Variants in CNTNAP2 observed in about 807,000 individuals in gnomAD.
The protein encoded by CNTNAP2 is contactin-associated protein-like 2.
Under a neutral mutation model 155.2 loss-of-function variants are expected in CNTNAP2, and 98 were observed. The observed-to-expected ratio is 0.63, with a 90% CI of 0.54 to 0.75. CNTNAP2 has a LOEUF of 0.75. Among genes scored for constraint, CNTNAP2 ranks in the 30% least tolerant of loss-of-function variants. The probability of loss-of-function intolerance (pLI) is 0.00; values close to 1 mark genes in which losing one functional copy is unlikely to be tolerated. For synonymous variants in CNTNAP2, 651 were observed against 631.2 expected (o/e 1.03, Z -0.47); for missense variants, 1,727 against 1,688.1 (o/e 1.02, Z -0.40).
At chr7:147,439,462 AT>A (rs891273604) in intron 10 of CNTNAP2, among the ~76,000 whole-genome samples, 5 of 151,812 alleles carry the variant, frequency 3.3e-5, no homozygotes, top group African/African-American at 1.2e-4. Context: ...TATTATTTCA[AT>A]TTTTTTAATG....
At chr7:147,127,349 A>G (rs980770922) in intron 6 of CNTNAP2, among the ~76,000 whole-genome samples, 3 of 151,982 alleles carry the variant, frequency 2.0e-5, no homozygotes, top group African/African-American at 7.2e-5. Context: ...CATTATTAAT[A>G]ATAATTGATT....
chr7:147,614,947 C>T lies in CNTNAP2; in HGVS notation c.1898-24159C>T, dbSNP rs553187966. Among the ~76,000 whole-genome samples the T allele has an allele frequency of 6.6e-5, 10 of 151,768 alleles. No individual in the cohort carries two copies. The South Asian group carries it at 1.9e-3, about 28-fold the overall frequency. ...AAGTATAAACCAAACTTGAATAACT[C>T]AAGTTTCTAAAATTAAGAATTCAAG... On this transcript the variant is annotated intron_variant, in intron 12 of 23. Coordinates refer to ENST00000361727, the MANE Select transcript of CNTNAP2 (RefSeq NM_014141.6).
chr7:146,885,332 T>G (rs1346583246), intron 3 of CNTNAP2, among the ~76,000 whole-genome samples: 1 of 152,162 alleles, frequency 6.6e-6, no homozygotes, highest in Admixed American at 6.6e-5. Flanking sequence ...TATTAACAAG[T>G]TAGTGGCAAG....
chr7:147,646,985 T>C (rs1204192965), intron 13 of CNTNAP2, among the ~76,000 whole-genome samples: 2 of 110,110 alleles, frequency 1.8e-5, no homozygotes, highest in South Asian at 2.8e-4. Context: ...TTATGTTCAC[T>C]TTTTTTTTTT....
chr7:148,336,038 C>T lies in CNTNAP2; in HGVS notation c.3476-47611C>T, dbSNP rs188770784. The stretch of plus-strand genomic sequence containing the variant: ...TCTTCCTGCCCCAATATCTACATAT[C>T]CAGCCATGACTACATTGTTTGGTTT... On this transcript the variant is annotated intron_variant, in intron 21 of 23. Coordinates refer to ENST00000361727, the MANE Select transcript of CNTNAP2 (RefSeq NM_014141.6). 1.5e-3 allele frequency among the ~76,000 whole-genome samples: 230 copies of T among 152,240 alleles called. 1 individual carries two copies. Among genetic ancestry groups the T allele is most frequent in the Non-Finnish European group, 2.9e-3 (196 of 68,002 alleles).
intron 14 of CNTNAP2, among the ~76,000 whole-genome samples, chr7:147,933,867 A>G (rs1800556017): frequency 2.0e-5 from 3 of 152,156 alleles, no homozygotes; most frequent in Admixed American, 6.5e-5. Context: ...TATCTCAAAA[A>G]ACAAAAAGAA....
At chr7:146,488,506 G>T (rs1797091942) in intron 1 of CNTNAP2, among the ~76,000 whole-genome samples, 1 of 151,634 alleles carries the variant, frequency 6.6e-6, no homozygotes, top group Non-Finnish European at 1.5e-5. Context: ...ATTTTGTTAG[G>T]ACTACGCTAC....
intron 1 of CNTNAP2, among the ~76,000 whole-genome samples, chr7:146,124,719 A>G (rs1298346901): frequency 6.6e-6 from 1 of 152,176 alleles, no homozygotes; most frequent in Non-Finnish European, 1.5e-5. Context: ...AAACTATTAT[A>G]CTAGCTTAGT....
chr7:147,945,867 T>G (rs1416471790), intron 14 of CNTNAP2, among the ~76,000 whole-genome samples: 1 of 119,384 alleles, frequency 8.4e-6, no homozygotes, highest in Non-Finnish European at 2.0e-5. Flanking sequence ...TTTTTCTTTT[T>G]CTTTTTTTTT....
chr7:146,313,147 T>C (rs909970454), intron 1 of CNTNAP2, among the ~76,000 whole-genome samples: 10 of 152,304 alleles, frequency 6.6e-5, no homozygotes, highest in African/African-American at 2.2e-4. Flanking sequence ...TTTTCCAAAA[T>C]AGGTGTACTA....
chr7:146,168,515 C>A (rs1181235301), intron 1 of CNTNAP2, among the ~76,000 whole-genome samples: 1 of 152,026 alleles, frequency 6.6e-6, no homozygotes, highest in African/African-American at 2.4e-5. Context: ...CTGTATGTAC[C>A]ATCCTTAGAT....
chr7:146,203,524 G>T (rs929409959), intron 1 of CNTNAP2, among the ~76,000 whole-genome samples: 38 of 152,232 alleles, frequency 2.5e-4, no homozygotes, highest in Non-Finnish European at 4.1e-4. Context: ...CCCTCCAGAA[G>T]CCCCCAAGTG....
chr7:147,374,966 G>T (rs1418940589), intron 9 of CNTNAP2, among the ~76,000 whole-genome samples: 2 of 151,960 alleles, frequency 1.3e-5, no homozygotes, highest in African/African-American at 4.8e-5. Flanking sequence ...AGGACCTGGT[G>T]AAAGGTGATT....
intron 1 of CNTNAP2, among the ~76,000 whole-genome samples, chr7:146,687,369 T>C (rs574972821): frequency 3.9e-5 from 6 of 152,230 alleles, no homozygotes; most frequent in African/African-American, 1.4e-4. Flanking sequence ...ACCAGCTATA[T>C]AGGGTCATTG....
At chr7:147,523,807 T>A (rs1799270401) in intron 11 of CNTNAP2, among the ~76,000 whole-genome samples, 1 of 152,220 alleles carries the variant, frequency 6.6e-6, no homozygotes, top group Non-Finnish European at 1.5e-5. Context: ...TATGTACAGA[T>A]GTCTCGTATG....
chr7:148,208,332 T>G (rs1795488629), intron 18 of CNTNAP2, among the ~76,000 whole-genome samples: 1 of 152,174 alleles, frequency 6.6e-6, no homozygotes, highest in South Asian at 2.1e-4. Context: ...AATTCCATTG[T>G]GTGAAGCTTG....
chr7:148,289,957 A>G (rs1220882777), intron 21 of CNTNAP2, among the ~76,000 whole-genome samples: 1 of 152,200 alleles, frequency 6.6e-6, no homozygotes, highest in Non-Finnish European at 1.5e-5. Flanking sequence ...CATTTTTTTA[A>G]ATAGCTTCCT....
chr7:146,270,569 T>TTTTTACAC (rs1800065784), intron 1 of CNTNAP2, among the ~76,000 whole-genome samples: 1 of 152,224 alleles, frequency 6.6e-6, no homozygotes, highest in Admixed American at 6.5e-5. Flanking sequence ...GAAAAGAAGA[T>TTTTTACAC]AACTTTTAAA....
At chr7:147,765,620 G>A (rs929439125) in intron 13 of CNTNAP2, among the ~76,000 whole-genome samples, 4 of 152,016 alleles carry the variant, frequency 2.6e-5, no homozygotes, top group Non-Finnish European at 4.4e-5. Flanking sequence ...GTTATACATC[G>A]CCGTTTGGGA....
Sources: allele counts gnomAD v4.1 joint callset (sites outside exome capture counted in the v4.1 genomes callset), GRCh38; gene constraint gnomAD v4.1.1; transcripts MANE v1.5; gene names NCBI Gene and HGNC (gene_info 2026-07-23, HGNC 2026-07-21).